The following FNDC3B variants were observed in gnomAD, a reference collection of about 807,000 sequenced individuals.
FNDC3B encodes fibronectin type III domain-containing protein 3B.
A neutral mutation model predicts 151.5 loss-of-function variants in FNDC3B; 12 were observed. The ratio of observed to expected loss-of-function variants is 0.08; its 90% CI spans 0.05 to 0.13. The LOEUF (loss-of-function observed/expected upper bound fraction) is 0.13. Among genes scored for constraint, FNDC3B ranks in the 10% least tolerant of loss-of-function variants. FNDC3B has a pLI of 1.00. For synonymous variants in FNDC3B, 528 were observed against 549.0 expected (o/e 0.96, Z 0.54); for missense variants, 1,214 against 1,505.3 (o/e 0.81, Z 3.20).
rs573562761 is a variant in FNDC3B at position 172,292,182 on chromosome 3, A to C, written c.850-3181A>C. On this transcript the variant is annotated intron_variant, in intron 7 of 25. Transcript: ENST00000415807. ...AGTGAAAGGGAGAGAGCAGGAGGAC[A>C]AGAAGGATTTGGCCCCAGAACATCA... Among the ~76,000 whole-genome samples the C allele has an allele frequency of 2.0e-5, 3 of 152,314 alleles. No homozygotes were observed. In the East Asian group the frequency reaches 5.8e-4, roughly 29 times the overall value.
In FNDC3B at chr3:172,299,867, G is replaced by T. The variant is rs143627297; in HGVS notation, c.1061+1080G>T. ...TAACTTTGGTCAATTCACATAGAAC[G>T]CTCTGCCATGATTTTCTCAGTTAAA... On this transcript the variant is annotated intron_variant, in intron 9 of 25. Coordinates refer to ENST00000415807, the MANE Select transcript of FNDC3B (RefSeq NM_022763.4). Among the ~76,000 whole-genome samples the T allele has an allele frequency of 4.2e-3, 637 of 152,122 alleles. 13 individuals carry two copies. The East Asian group carries it at 0.047, about 11-fold the overall frequency.
rs1730550725 is a variant in FNDC3B at position 172,295,380 on chromosome 3, A to G, written c.867A>G (p.Ala289=). 1.2e-6 allele frequency: 2 copies of G among 1,611,394 alleles called. No individual in the cohort carries two copies. Among genetic ancestry groups the G allele is most frequent in the Non-Finnish European group, 1.7e-6 (2 of 1,179,302 alleles). The change falls in exon 8 of 26, where the codon GCA becomes GCG. Residue 289 remains alanine, a synonymous_variant. Transcript: ENST00000415807. ...IEKPQVSNIQ[A]RAVVLSWAPP... ...TTCCTCAGGTTTCTAATATTCAGGC[A>G]AGAGCAGTTGTGTTGTCCTGGGCTC...
At chr3:172,048,185 T>C (rs1381056913) in intron 1 of FNDC3B, among the ~76,000 whole-genome samples, 1 of 152,208 alleles carries the variant, frequency 6.6e-6, no homozygotes, top group African/African-American at 2.4e-5. Flanking sequence ...AGGGGTCAGA[T>C]TTGACCAGTT....
intron 9 of FNDC3B, among the ~76,000 whole-genome samples, chr3:172,303,219 T>C (rs535371304): frequency 1.3e-5 from 2 of 152,282 alleles, no homozygotes; most frequent in East Asian, 1.9e-4. Flanking sequence ...AATTTATATC[T>C]TTATCAGCGA....
At chr3:172,092,829 A>G (rs529152512) in intron 1 of FNDC3B, among the ~76,000 whole-genome samples, 1 of 152,230 alleles carries the variant, frequency 6.6e-6, no homozygotes, top group Admixed American at 6.5e-5. Flanking sequence ...TTGTTTATAC[A>G]GTGTCTCACT....
chr3:172,300,280 A>G (rs1294362249), intron 9 of FNDC3B, among the ~76,000 whole-genome samples: 2 of 152,228 alleles, frequency 1.3e-5, no homozygotes, highest in Admixed American at 1.3e-4. Flanking sequence ...AATGTTATCT[A>G]TTATTCATTG....
chr3:172,168,718 A>C (rs141474065), intron 3 of FNDC3B, among the ~76,000 whole-genome samples: 2 of 101,540 alleles, frequency 2.0e-5, no homozygotes, highest in African/African-American at 8.8e-5. Flanking sequence ...TTTTTCTTTT[A>C]CTTTTTTTTT....
chr3:172,043,708 C>T (rs533329651), intron 1 of FNDC3B, among the ~76,000 whole-genome samples: 9 of 152,276 alleles, frequency 5.9e-5, no homozygotes, highest in African/African-American at 1.4e-4. Flanking sequence ...GGATAAAATA[C>T]GCACATTATT....
intron 3 of FNDC3B, among the ~76,000 whole-genome samples, chr3:172,162,394 A>G (rs1308325289): frequency 6.6e-6 from 1 of 152,204 alleles, no homozygotes; most frequent in African/African-American, 2.4e-5. Flanking sequence ...TCATCAACTG[A>G]TAAACATTTG....
chr3:172,165,851 C>T (rs1722975990), intron 3 of FNDC3B, among the ~76,000 whole-genome samples: 1 of 152,134 alleles, frequency 6.6e-6, no homozygotes, highest in African/African-American at 2.4e-5. Flanking sequence ...CTATAATATT[C>T]ATAATAATTA....
At chr3:172,116,588 T>C (rs1209705866) in intron 2 of FNDC3B, among the ~76,000 whole-genome samples, 2 of 152,100 alleles carry the variant, frequency 1.3e-5, no homozygotes, top group African/African-American at 4.8e-5. Context: ...TTTTTTGAGA[T>C]GGAGTCTCGC....
chr3:172,261,907 G>A (rs1239798723), intron 6 of FNDC3B, among the ~76,000 whole-genome samples: 1 of 152,138 alleles, frequency 6.6e-6, no homozygotes, highest in African/African-American at 2.4e-5. Context: ...AGAAGAAGGG[G>A]ACTTTCCATG....
chr3:172,297,696 G>A (rs184963907), intron 8 of FNDC3B, among the ~76,000 whole-genome samples: 135 of 152,034 alleles, frequency 8.9e-4, no homozygotes, highest in East Asian at 5.2e-3. Flanking sequence ...GGATGGTCTC[G>A]ATCTCCTGAC....
chr3:172,110,860 G>A (rs1205358844), intron 1 of FNDC3B, among the ~76,000 whole-genome samples: 2 of 152,098 alleles, frequency 1.3e-5, no homozygotes, highest in African/African-American at 4.8e-5. Context: ...TTGGGAGGCC[G>A]AGGTAGGTGG....
intron 2 of FNDC3B, among the ~76,000 whole-genome samples, chr3:172,123,894 T>C (rs1720678477): frequency 6.6e-6 from 1 of 152,240 alleles, no homozygotes; most frequent in Non-Finnish European, 1.5e-5. Context: ...GGTTTATCTA[T>C]ATGAATAATA....
intron 1 of FNDC3B, among the ~76,000 whole-genome samples, chr3:172,106,352 G>T (rs142825367): frequency 1.3e-5 from 2 of 152,166 alleles, no homozygotes; most frequent in East Asian, 3.9e-4. Flanking sequence ...TTAGTGGGAG[G>T]TCTCATTAGG....
At chr3:172,054,378 CT>C (rs1472532703) in intron 1 of FNDC3B, among the ~76,000 whole-genome samples, 1 of 152,160 alleles carries the variant, frequency 6.6e-6, no homozygotes, top group Non-Finnish European at 1.5e-5. Context: ...TAAATGCGTC[CT>C]TTGTTAGAAA....
At chr3:172,142,799 G>A (rs1721694439) in intron 3 of FNDC3B, among the ~76,000 whole-genome samples, 1 of 152,146 alleles carries the variant, frequency 6.6e-6, no homozygotes, top group Non-Finnish European at 1.5e-5. Context: ...CCAGAGACCG[G>A]GTGGCTTATT....
At chr3:172,062,652 T>G in intron 1 of FNDC3B, among the ~76,000 whole-genome samples, 1 of 152,206 alleles carries the variant, frequency 6.6e-6, no homozygotes. Flanking sequence ...GTATTATGAT[T>G]GGCATTTTGC....
Sources: allele counts gnomAD v4.1 joint callset (sites outside exome capture counted in the v4.1 genomes callset), GRCh38; gene constraint gnomAD v4.1.1; transcripts MANE v1.5; gene names NCBI Gene and HGNC (gene_info 2026-07-23, HGNC 2026-07-21).